Variants in DNMBP observed in about 807,000 individuals in gnomAD.
DNMBP encodes dynamin binding protein, also known as dynamin-binding protein.
A neutral mutation model predicts 150.0 loss-of-function variants in DNMBP; 87 were observed. That is an observed-to-expected ratio of 0.58 (90% CI 0.49 to 0.69). The LOEUF is 0.69. Among genes scored for constraint, DNMBP ranks in the 30% least tolerant of loss-of-function variants. DNMBP has a pLI of 0.00. For missense variants in DNMBP, 1,774 were observed against 1,949.0 expected (o/e 0.91, Z 1.69); for synonymous variants, 711 against 750.4 (o/e 0.95, Z 0.86).
intron 7 of DNMBP, among the ~76,000 whole-genome samples, chr10:99,899,244 G>T (rs536068391): frequency 4.8e-4 from 73 of 151,996 alleles, no homozygotes; most frequent in Non-Finnish European, 9.3e-4. Flanking sequence ...ACTTCTCTTT[G>T]ATCTACTTAT....
At position 99,899,951 on chromosome 10, in the gene DNMBP, C is replaced by A; in HGVS notation, c.2670G>T (p.Gln890His). Residue 890 changes from glutamine to histidine, a missense_variant, in exon 7 of 17, where the codon CAG becomes CAT. Gln to His is a conservative substitution (Grantham distance 24, BLOSUM62 0). Coordinates refer to ENST00000324109, the MANE Select transcript of DNMBP (RefSeq NM_015221.4). ...LEIYEKDEKI[Q>H]KHLQDSLADL... is the part of the protein sequence containing the mutation. Reference sequence around the variant, plus strand: ...CTGCCAAGGAGTCCTGAAGATGCTTCTGGATCTTCTCATCCTTCTCGTAGA... The same window carrying A: ...CTGCCAAGGAGTCCTGAAGATGCTTATGGATCTTCTCATCCTTCTCGTAGA... The A allele has an allele frequency of 6.2e-7, 1 of 1,614,178 alleles. No individual in the cohort carries two copies. Among genetic ancestry groups the A allele is most frequent in the Non-Finnish European group, 8.5e-7 (1 of 1,180,030 alleles).
In DNMBP at chr10:99,880,355, TTGG is replaced by T; in HGVS notation, c.4001_4003del (p.Thr1334del). The T allele has an allele frequency of 6.3e-7, 1 of 1,585,358 alleles. No homozygotes were observed. The highest frequency in any genetic ancestry group is 1.1e-5 in the South Asian group (1 of 89,014). ...TAGGAAAGAGCTGTACACGAAGCCTTTGGTGACTACAAAGGAAACAGGAAATAT... is the reference window on the plus strand; with the variant it reads ...TAGGAAAGAGCTGTACACGAAGCCTTTGACTACAAAGGAAACAGGAAATAT... On this transcript the variant is annotated inframe_deletion, in exon 16 of 17. Transcript: ENST00000324109.
At position 99,887,149 on chromosome 10, in the gene DNMBP, C is replaced by T. The variant is rs552184067; in HGVS notation, c.3286-517G>A. 6.0e-5 allele frequency among the ~76,000 whole-genome samples: 9 copies of T among 149,484 alleles called. No homozygotes were observed. The South Asian group carries it at 6.6e-4, about 11-fold the overall frequency. On this transcript the variant is annotated intron_variant, in intron 12 of 16. Coordinates refer to ENST00000324109, the MANE Select transcript of DNMBP (RefSeq NM_015221.4). ...TGTCACCCAGGCTGGAGTGCAGTGG[C>T]GCAATCTCAGCTCACTGCAGCCTCA...
At chr10:99,879,084 C>CCAAAAAAAAAA (rs761402438) in intron 16 of DNMBP, among the ~76,000 whole-genome samples, 1 of 62,404 alleles carries the variant, frequency 1.6e-5, no homozygotes, top group Non-Finnish European at 2.8e-5. Flanking sequence ...GACTCTGTCT[C>CCAAAAAAAAAA]AAAAAAAAAA....
chr10:99,992,550 G>T (rs1358824707), intron 1 of DNMBP, among the ~76,000 whole-genome samples: 1 of 140,674 alleles, frequency 7.1e-6, no homozygotes, highest in Non-Finnish European at 1.5e-5. Context: ...TTTTTGAGAC[G>T]GAGTCTGGCT....
At chr10:99,899,367 C>T (rs1393986632) in intron 7 of DNMBP, among the ~76,000 whole-genome samples, 1 of 151,960 alleles carries the variant, frequency 6.6e-6, no homozygotes, top group East Asian at 1.9e-4. Context: ...TTTGGGAGGC[C>T]GAGGCAGGCG....
chr10:99,897,831 T>C (rs1198149555), intron 9 of DNMBP, among the ~76,000 whole-genome samples: 13 of 152,082 alleles, frequency 8.5e-5, no homozygotes, highest in Non-Finnish European at 5.9e-5. Flanking sequence ...GAGAATTGCT[T>C]GAACATGGGA....
intron 4 of DNMBP, 69 bp from the exon 5 acceptor site, chr10:99,909,215 A>G (rs2039870830): frequency 7.8e-6 from 10 of 1,287,432 alleles, no homozygotes; most frequent in Non-Finnish European, 9.7e-6. Flanking sequence ...AGTTTGAGGC[A>G]AACAGAACCC....
chr10:99,948,505 T>A (rs1246328558), intron 4 of DNMBP, among the ~76,000 whole-genome samples: 1 of 152,100 alleles, frequency 6.6e-6, no homozygotes, highest in African/African-American at 2.4e-5. Flanking sequence ...CTCTTAAGAT[T>A]TTCCAAATAC....
chr10:99,981,585 C>T (rs1361151229), intron 1 of DNMBP, among the ~76,000 whole-genome samples: 2 of 152,196 alleles, frequency 1.3e-5, no homozygotes, highest in African/African-American at 4.8e-5. Flanking sequence ...ACACCGATAT[C>T]AAACAGTTTA....
chr10:99,877,555 G>A (rs2039296277), intron 16 of DNMBP, among the ~76,000 whole-genome samples: 1 of 152,026 alleles, frequency 6.6e-6, no homozygotes. Context: ...TACCATAATA[G>A]GGATGATTAA....
At chr10:99,978,763 G>A (rs2040754195) in intron 1 of DNMBP, among the ~76,000 whole-genome samples, 1 of 152,130 alleles carries the variant, frequency 6.6e-6, no homozygotes, top group African/African-American at 2.4e-5. Flanking sequence ...ACAGAGGTGA[G>A]GTTTTGCCAT....
chr10:99,991,157 C>T (rs1169270944), intron 1 of DNMBP, among the ~76,000 whole-genome samples: 1 of 151,708 alleles, frequency 6.6e-6, no homozygotes, highest in Admixed American at 6.6e-5. Context: ...CGGCTCACTG[C>T]AACCTCTGCC....
At chr10:99,929,940 C>T (rs1198993752) in intron 4 of DNMBP, 1 of 702,760 alleles carries the variant, frequency 1.4e-6, no homozygotes, top group Admixed American at 2.0e-5. Flanking sequence ...TTTATATGCA[C>T]AGTTTGCAAA....
In DNMBP at chr10:99,956,964, A is replaced by T; in HGVS notation, c.510T>A (p.Asp170Glu). The change falls in exon 4 of 17, where the codon GAT (aspartate) becomes GAA (glutamate). Residue 170 changes from aspartate (D) to glutamate (E), a missense_variant. By Grantham distance (45) the Asp-to-Glu change is conservative. This residue lies in a region of DNMBP where 344 missense variants were observed against 456.6 expected (regional missense o/e 0.75). Transcript: ENST00000324109. ...LDEELDFREG[D>E]VITIIGVPEP... is the part of the protein sequence containing the mutation. ...CAGGAACTCCAATAATGGTGATCAC[A>T]TCCCCTTCCCTGAAGTCCAGCTCTT... The T allele has an allele frequency of 6.2e-7, 1 of 1,614,184 alleles. No individual in the cohort carries two copies. The highest frequency in any genetic ancestry group is 8.5e-7 in the Non-Finnish European group (1 of 1,180,030).
chr10:99,980,117 A>G (rs2040766492), intron 1 of DNMBP, among the ~76,000 whole-genome samples: 1 of 152,248 alleles, frequency 6.6e-6, no homozygotes, highest in South Asian at 2.1e-4. Flanking sequence ...CCATGAGAGT[A>G]AATGTATCAG....
chr10:100,000,980 C>G (rs1338264051), intron 1 of DNMBP, among the ~76,000 whole-genome samples: 1 of 150,332 alleles, frequency 6.7e-6, no homozygotes, highest in Non-Finnish European at 1.5e-5. Flanking sequence ...CGCCTGTAAT[C>G]CCAGCACTTT....
intron 4 of DNMBP, among the ~76,000 whole-genome samples, chr10:99,938,476 G>C (rs561170959): frequency 4.6e-5 from 7 of 152,264 alleles, no homozygotes; most frequent in African/African-American, 1.7e-4. Context: ...CCTGGGAGGC[G>C]GAGGTTGCAG....
chr10:99,897,950 T>A, intron 9 of DNMBP, 136 bp downstream of exon 9: 1 of 695,428 alleles, frequency 1.4e-6, no homozygotes, highest in Non-Finnish European at 2.5e-6. Context: ...TTCCCCCAAA[T>A]TCTACCATTT....
Sources: gnomAD v4.1 joint callset for allele counts (sites outside exome capture counted in the v4.1 genomes callset) on GRCh38, gnomAD v4.1.1 for gene constraint, gnomAD v4.1.1 regional missense constraint, MANE v1.5 for transcripts, NCBI Gene and HGNC (gene_info 2026-07-23, HGNC 2026-07-21) for gene names.